The following SLC37A2 variants were observed in gnomAD, a reference collection of about 807,000 sequenced individuals.
The protein encoded by SLC37A2 is solute carrier family 37 member 2.
SLC37A2 carries 59 observed loss-of-function variants against 70.7 expected under a neutral mutation model. The ratio of observed to expected loss-of-function variants is 0.83; its 90% CI spans 0.68 to 1.04. The LOEUF (loss-of-function observed/expected upper bound fraction) is 1.04. Ranked by LOEUF, SLC37A2 falls within the 50% of genes least tolerant of loss-of-function variation. SLC37A2 has a pLI of 0.00. For missense variants in SLC37A2, 580 were observed against 658.1 expected, an observed-to-expected ratio of 0.88 and a Z score of 1.30; for synonymous variants, 257 against 262.1, an observed-to-expected ratio of 0.98 and a Z score of 0.19.
rs914132127 is a variant in SLC37A2 at position 125,089,693 on chromosome 11, G to C, written c.*1559G>C. 1.3e-5 allele frequency: 2 copies of C among 153,300 alleles called. No individual in the cohort carries two copies. Among genetic ancestry groups the C allele is most frequent in the Admixed American group, 6.5e-5 (1 of 15,302 alleles). 9.5% of individuals were successfully genotyped at this position (153,300 alleles called of 1,614,324 possible). ...CCCCCAGCAGTGCCGGCCCACCTGC[G>C]CTGTGCTTGATTTCTCGCTGGGCCT... is the stretch of plus-strand genomic sequence containing the variant. On this transcript the variant is annotated 3_prime_UTR_variant, in exon 18 of 18. Transcript: ENST00000403796.
At position 125,072,092 on chromosome 11, in the gene SLC37A2, G is replaced by A. The variant is rs546165429; in HGVS notation, c.60-4665G>A. On this transcript the variant is annotated intron_variant, in intron 1 of 17. Coordinates refer to ENST00000403796, the MANE Select transcript of SLC37A2 (RefSeq NM_001145290.2). ...GTTTCTGACATCTCTCGGGGGCAGC[G>A]TCCCTCTGCTGGGCTGTTTCTTGTT... 7.4e-4 allele frequency among the ~76,000 whole-genome samples: 112 copies of A among 152,214 alleles called. 1 individual carries two copies. Among genetic ancestry groups the A allele is most frequent in the Non-Finnish European group, 1.3e-3 (88 of 68,012 alleles).
chr11:125,077,624 G>T (rs567982274), intron 4 of SLC37A2, 96 bp downstream of exon 4: 1 of 939,930 alleles, frequency 1.1e-6, no homozygotes, highest in South Asian at 1.6e-5. Context: ...ATGAGCCCAG[G>T]GATGCTGCAT....
At position 125,084,304 on chromosome 11, in the gene SLC37A2, C is replaced by T. The variant is rs1166827786; in HGVS notation, c.1110C>T (p.Ile370=). The T allele has an allele frequency of 6.2e-7, 1 of 1,614,252 alleles. No homozygotes were observed. The highest frequency in any genetic ancestry group is 8.5e-7 in the Non-Finnish European group (1 of 1,180,046). The change falls in exon 12 of 18, where the codon ATC becomes ATT. Residue 370 remains isoleucine, a synonymous_variant. Coordinates refer to ENST00000403796, the MANE Select transcript of SLC37A2 (RefSeq NM_001145290.2). The part of the protein sequence containing the change: ...GRATTCCVML[I]LAAPMMFLYN... ...CCACCACTTGCTGTGTCATGCTCAT[C>T]TTGGCTGCCCCCATGGTGCGTATAA...
At position 125,084,262 on chromosome 11, in the gene SLC37A2, C is replaced by G; in HGVS notation, c.1068C>G (p.Asp356Glu). The G allele has an allele frequency of 1.2e-6, 2 of 1,614,242 alleles. No homozygotes were observed. Among genetic ancestry groups the G allele is most frequent in the Non-Finnish European group, 1.7e-6 (2 of 1,180,044 alleles). The change falls in exon 12 of 18, where the codon GAC (aspartate) becomes GAG (glutamate). Residue 356 changes from aspartate (D) to glutamate (E), a missense_variant. Physicochemically the swap from Asp to Glu is conservative, Grantham distance 45. Transcript: ENST00000403796. ...IGGIVAGLVS[D>E]YTNGRATTCC... ...GCATCGTGGCAGGGCTCGTCTCTGA[C>G]TACACCAATGGCAGGGCCACCACTT...
intron 1 of SLC37A2, among the ~76,000 whole-genome samples, chr11:125,071,693 C>G (rs1237691992): frequency 6.6e-6 from 1 of 152,208 alleles, no homozygotes; most frequent in Non-Finnish European, 1.5e-5. Context: ...CCCTGAGGGG[C>G]TGGCTGCTGC....
chr11:125,085,920 G>T, intron 16 of SLC37A2, 34 bp from the exon 17 acceptor site: 1 of 1,597,606 alleles, frequency 6.3e-7, no homozygotes, highest in African/African-American at 1.3e-5. Context: ...TGCTAACAGT[G>T]CCCTCCCTTC....
At chr11:125,087,411 C>G (rs1376641937) in intron 17 of SLC37A2, 2 of 152,636 alleles carry the variant, frequency 1.3e-5, no homozygotes, top group South Asian at 4.1e-4. Flanking sequence ...AATCCAAAAA[C>G]CCCTGGACAG....
At chr11:125,086,374 G>T in intron 17 of SLC37A2, 2 of 876,730 alleles carry the variant, frequency 2.3e-6, no homozygotes, top group Non-Finnish European at 3.9e-6. Flanking sequence ...TTGTGGGCCA[G>T]TTGTAAAGAC....
chr11:125,070,532 A>G (rs956297041), intron 1 of SLC37A2, among the ~76,000 whole-genome samples: 8 of 152,156 alleles, frequency 5.3e-5, no homozygotes, highest in Non-Finnish European at 8.8e-5. Context: ...GACTCAGCCA[A>G]TTTTGCTCGA....
In SLC37A2 at chr11:125,085,083, G is replaced by T; in HGVS notation, c.1192G>T (p.Gly398Trp). The change falls in exon 14 of 18, where the codon GGG becomes TGG. Residue 398 changes from glycine to tryptophan, a missense_variant. Transcript: ENST00000403796. ...ASSIVMLIIC[G>W]GLVNGPYALI... ...TGTCCCAGTGATGCTGATCATCTGTGGGGGCCTGGTCAATGGCCCATACGC... is the reference window on the plus strand; with the variant it reads ...TGTCCCAGTGATGCTGATCATCTGTTGGGGCCTGGTCAATGGCCCATACGC... 1.2e-6 allele frequency: 2 copies of T among 1,614,048 alleles called. No individual in the cohort carries two copies. The highest frequency in any genetic ancestry group is 4.5e-5 in the East Asian group (2 of 44,884).
intron 2 of SLC37A2, among the ~76,000 whole-genome samples, 189 bp downstream of exon 2, chr11:125,077,027 G>C (rs370981794): frequency 1.3e-5 from 2 of 152,188 alleles, no homozygotes; most frequent in Non-Finnish European, 2.9e-5. Context: ...TGGAATAAGC[G>C]TGCAGGGCCC....
rs367728989 is a variant in SLC37A2 at position 125,079,671 on chromosome 11, T to C, written c.451-13T>C. ...CCAGGCCTGTTCCCACCCTCCCTTC[T>C]CTCTCCCTGCAGGTCTGTAATGGAC... On this transcript the variant is annotated splice_polypyrimidine_tract_variant and intron_variant, in intron 5 of 17. Coordinates refer to ENST00000403796, the MANE Select transcript of SLC37A2 (RefSeq NM_001145290.2). 1.0e-4 allele frequency: 159 copies of C among 1,587,780 alleles called. No homozygotes were observed. The African/African-American group carries it at 1.8e-3, about 18-fold the overall frequency.
At position 125,080,478 on chromosome 11, in the gene SLC37A2, G is replaced by A. The variant is rs937059339; in HGVS notation, c.528-136G>A. The stretch of plus-strand genomic sequence containing the variant: ...GGTCTCCCACTCCTTGCTGACTTGG[G>A]GCTTTGGGGCTGTCTTTGGTGCCTC... On this transcript the variant is annotated intron_variant, in intron 6 of 17. Coordinates refer to ENST00000403796, the MANE Select transcript of SLC37A2 (RefSeq NM_001145290.2). This position sits in a 1 kb window ranked among gnomAD's most constrained non-coding sequence, Gnocchi z 4.3. 1.2e-5 allele frequency: 9 copies of A among 762,876 alleles called. No homozygotes were observed. In the African/African-American group the frequency reaches 1.6e-4, roughly 14 times the overall value. The allele number at this position is 762,876 out of a possible 1,614,324, so 47.3% of individuals were successfully genotyped here. A position where few individuals can be genotyped will look rare whatever the true frequency, so the allele number is the denominator to read the frequency against.
chr11:125,064,579 A>G (rs1469746533), intron 1 of SLC37A2, among the ~76,000 whole-genome samples: 1 of 152,184 alleles, frequency 6.6e-6, no homozygotes, highest in Non-Finnish European at 1.5e-5. Context: ...TTAATTGTTG[A>G]GAGCTCTCAT....
Position 125,077,314 on chromosome 11 carries a change from GC to G in SLC37A2, c.230del (p.Pro77HisfsTer11). ...CAATGACACCATGTGGTGCAGCTGGGCCCCATTTGGTAAGAACAGGGCAAGT... is the reference window on the plus strand; with the variant it reads ...CAATGACACCATGTGGTGCAGCTGGGCCCATTTGGTAAGAACAGGGCAAGT... ...SLNDTMWCSWAPFDKDNYKEL... is the reference protein window; with the variant it reads ...SLNDTMWCSWXPFDKDNYKEL... On this transcript the variant is annotated frameshift_variant, in exon 3 of 18. Coordinates refer to ENST00000403796, the MANE Select transcript of SLC37A2 (RefSeq NM_001145290.2). LOFTEE classifies it high-confidence loss of function. The G allele has an allele frequency of 6.2e-7, 1 of 1,604,192 alleles. No homozygotes were observed. The highest frequency in any genetic ancestry group is 8.5e-7 in the Non-Finnish European group (1 of 1,175,350).
chr11:125,085,458 G>A lies in SLC37A2; in HGVS notation c.1312G>A (p.Gly438Ser), dbSNP rs1488607387. Residue 438 changes from glycine to serine, a missense_variant, in exon 15 of 18, where the codon GGC (glycine) becomes AGC (serine). Physicochemically the swap from Gly to Ser is moderately conservative, Grantham distance 56. Transcript: ENST00000403796. The stretch of plus-strand genomic sequence containing the variant: ...GTCCACGGTCACGGCCATCATTGAC[G>A]GCACCGGCTCCATAGGTCTGTGACT... Reference protein sequence around the residue: ...ALSTVTAIIDGTGSIGAALGP... With the variant: ...ALSTVTAIIDSTGSIGAALGP... 5 of 1,613,956 alleles carry A rather than the reference G, an allele frequency of 3.1e-6. No homozygotes were observed. The highest frequency in any genetic ancestry group is 4.2e-6 in the Non-Finnish European group (5 of 1,179,976).
intron 1 of SLC37A2, among the ~76,000 whole-genome samples, chr11:125,074,384 G>A (rs969548329): frequency 6.6e-5 from 10 of 152,036 alleles, no homozygotes; most frequent in African/African-American, 1.9e-4. Context: ...TCTCTTGCTA[G>A]TGCTGGATTG....
rs559991822 is a variant in SLC37A2 at position 125,088,023 on chromosome 11, A to AGGGACCCT, written c.1491-86_1491-79dup. 323 of 1,361,972 alleles carry AGGGACCCT rather than the reference A, an allele frequency of 2.4e-4. 1 individual carries two copies. The South Asian group carries it at 3.7e-3, about 16-fold the overall frequency. 84.4% of individuals were successfully genotyped at this position (1,361,972 alleles called of 1,614,324 possible). A position where few individuals can be genotyped will look rare whatever the true frequency, so the allele number is the denominator to read the frequency against. On this transcript the variant is annotated intron_variant, in intron 17 of 17. Transcript: ENST00000403796. ...AGAACTGAGATGAAAGCAATGATGAAGGGACCCTGGGACCCTGCCTTTCCT... is the reference window on the plus strand; with the variant it reads ...AGAACTGAGATGAAAGCAATGATGAAGGGACCCTGGGACCCTGGGACCCTGCCTTTCCT...
chr11:125,075,791 C>T (rs1009999224), intron 1 of SLC37A2, among the ~76,000 whole-genome samples: 1 of 152,198 alleles, frequency 6.6e-6, no homozygotes, highest in Non-Finnish European at 1.5e-5. Context: ...ATCCAGTGTC[C>T]TGCCCTTGGG....
Sources: gnomAD v4.1 joint callset for allele counts (sites outside exome capture counted in the v4.1 genomes callset) on GRCh38, gnomAD v4.1.1 for gene constraint, Gnocchi (gnomAD v3.1) non-coding constraint, MANE v1.5 for transcripts, NCBI Gene and HGNC (gene_info 2026-07-23, HGNC 2026-07-21) for gene names.